The following ZDHHC1 variants were observed in gnomAD, a reference collection of about 807,000 sequenced individuals.
ZDHHC1 encodes palmitoyltransferase ZDHHC1.
Under a neutral mutation model 46.9 loss-of-function variants are expected in ZDHHC1, and 45 were observed. The observed-to-expected ratio is 0.96, with a 90% CI of 0.76 to 1.23. The LOEUF (loss-of-function observed/expected upper bound fraction) is 1.23. Among genes scored for constraint, ZDHHC1 ranks in the 50% most tolerant of loss-of-function variants. The pLI, the probability that ZDHHC1 is intolerant of heterozygous loss-of-function variation, is 0.00. For synonymous variants in ZDHHC1, 291 were observed against 286.0 expected (o/e 1.02, Z -0.18); for missense variants, 649 against 670.8 (o/e 0.97, Z 0.36).
Position 67,401,025 on chromosome 16 carries a change from G to A in ZDHHC1, c.360C>T (p.Pro120=). 6.2e-7 allele frequency: 1 copy of A among 1,614,160 alleles called. No individual in the cohort carries two copies. Among genetic ancestry groups the A allele is most frequent in the East Asian group, 2.2e-5 (1 of 44,888 alleles). Residue 120 remains proline (P), a synonymous_variant, in exon 4 of 12, where the codon CCC becomes CCT. Transcript: ENST00000565726. This position sits in a 1 kb window ranked among gnomAD's most constrained non-coding sequence, Gnocchi z 4.6. ...VRDKSYAGPL[P]IFNRSQHAHV... The stretch of plus-strand genomic sequence containing the variant: ...GTGCGTGCTGGCTTCGGTTGAAGAT[G>A]GGCAGGGGCCCCGCATAGCTCTTGT...
chr16:67,410,295 A>G (rs761682839), intron 1 of ZDHHC1, among the ~76,000 whole-genome samples: 5 of 152,220 alleles, frequency 3.3e-5, no homozygotes, highest in Non-Finnish European at 5.9e-5. Flanking sequence ...GGTGAAGCCC[A>G]CAAGCTCCTT....
chr16:67,403,153 G>A (rs890080781), intron 3 of ZDHHC1, among the ~76,000 whole-genome samples: 3 of 152,182 alleles, frequency 2.0e-5, no homozygotes, highest in African/African-American at 7.2e-5. Flanking sequence ...AACATGTGGA[G>A]TGCCAACCAG....
intron 5 of ZDHHC1, 106 bp downstream of exon 5, chr16:67,399,249 C>G: frequency 9.4e-7 from 1 of 1,069,332 alleles, no homozygotes; most frequent in Non-Finnish European, 1.4e-6. Flanking sequence ...CACAGGTCCT[C>G]GAAGCATCCC....
Position 67,406,493 on chromosome 16 carries a change from G to C in ZDHHC1, c.10-51C>G. ...AGCATTAGCCCAAGAAGCTGGGCTGGAGCCCAGGGCCTGTGTCTGCAGCCA... is the reference window on the plus strand; with the variant it reads ...AGCATTAGCCCAAGAAGCTGGGCTGCAGCCCAGGGCCTGTGTCTGCAGCCA... On this transcript the variant is annotated intron_variant, in intron 2 of 11. Coordinates refer to ENST00000565726, the MANE Select transcript of ZDHHC1 (RefSeq NM_001323627.2). The surrounding 1 kb of genome is among the most constrained non-coding windows in gnomAD (Gnocchi z 4.1). The C allele has an allele frequency of 6.9e-7, 1 of 1,456,580 alleles. No individual in the cohort carries two copies. Among genetic ancestry groups the C allele is most frequent in the Non-Finnish European group, 9.1e-7 (1 of 1,102,998 alleles). The allele number at this position is 1,456,580 out of a possible 1,614,324, so 90.2% of individuals were successfully genotyped here.
At position 67,399,453 on chromosome 16, in the gene ZDHHC1, G is replaced by T; in HGVS notation, c.432C>A (p.Ser144Arg). 2 of 1,609,850 alleles carry T rather than the reference G, an allele frequency of 1.2e-6. No homozygotes were observed. Among genetic ancestry groups the T allele is most frequent in the Non-Finnish European group, 1.7e-6 (2 of 1,177,660 alleles). ...LHCNLCNVDVSARSKHCSACN... is the reference protein window; with the variant it reads ...LHCNLCNVDVRARSKHCSACN... The stretch of plus-strand genomic sequence containing the variant: ...AGGCGCTGCAGTGCTTGGAGCGAGC[G>T]CTCCTGCAGGGAGAGGGGGCACAGC... The change falls in exon 5 of 12, where the codon AGC (serine) becomes AGA (arginine). Residue 144 changes from serine to arginine, a missense_variant. Physicochemically the swap from Ser to Arg is moderately radical, Grantham distance 110 (BLOSUM62 -1). Coordinates refer to ENST00000565726, the MANE Select transcript of ZDHHC1 (RefSeq NM_001323627.2).
intron 5 of ZDHHC1, 146 bp from the exon 6 acceptor site, chr16:67,399,090 C>A: frequency 2.4e-6 from 3 of 1,226,820 alleles, no homozygotes; most frequent in South Asian, 3.2e-5. Flanking sequence ...CAAAGGCATA[C>A]GGCAAAACTG....
chr16:67,402,904 A>T (rs1322846176), intron 3 of ZDHHC1, among the ~76,000 whole-genome samples: 1 of 152,250 alleles, frequency 6.6e-6, no homozygotes, highest in Non-Finnish European at 1.5e-5. Flanking sequence ...CAGGGATTAT[A>T]GGCATGAGCC....
At chr16:67,398,462 G>C (rs1597533921) in intron 7 of ZDHHC1, 111 bp downstream of exon 7, 6 of 1,512,132 alleles carry the variant, frequency 4.0e-6, no homozygotes, top group Non-Finnish European at 5.3e-6. Flanking sequence ...GGCCACCATA[G>C]TGAGCCCATA....
Position 67,398,261 on chromosome 16 carries a change from C to T in ZDHHC1, c.878G>A (p.Gly293Glu). 6.2e-7 allele frequency: 1 copy of T among 1,614,136 alleles called. No homozygotes were observed. The highest frequency in any genetic ancestry group is 8.5e-7 in the Non-Finnish European group (1 of 1,180,016). ...VQHRPPQEAK[G>E]VHRELESCPP... ...ACATGACTCGAGCTCCCTGTGAACC[C>T]CCTTGGCCTCCTGTGGTGGGCGGTG... Residue 293 changes from glycine to glutamate, a missense_variant, in exon 8 of 12, where the codon GGG (glycine) becomes GAG (glutamate). By Grantham distance (98) the Gly-to-Glu change is moderately conservative. Coordinates refer to ENST00000565726, the MANE Select transcript of ZDHHC1 (RefSeq NM_001323627.2).
chr16:67,401,312 T>C lies in ZDHHC1; in HGVS notation c.253-180A>G, dbSNP rs1478219953. The stretch of plus-strand genomic sequence containing the variant: ...ATCAGACCTCTCCAGGTAACCCCTA[T>C]GCCCCAAATGGAAAGAGGGAGAGGC... On this transcript the variant is annotated intron_variant, in intron 3 of 11. Transcript: ENST00000565726. This position sits in a 1 kb window ranked among gnomAD's most constrained non-coding sequence, Gnocchi z 4.6. 2.0e-5 allele frequency among the ~76,000 whole-genome samples: 3 copies of C among 152,188 alleles called. No individual in the cohort carries two copies. Among genetic ancestry groups the C allele is most frequent in the African/African-American group, 7.2e-5 (3 of 41,442 alleles).
At chr16:67,404,702 T>C (rs1199342043) in intron 3 of ZDHHC1, 1 of 455,640 alleles carries the variant, frequency 2.2e-6, no homozygotes, top group African/African-American at 2.0e-5. Context: ...TCACAGAACC[T>C]CTGTGCCCAG....
At chr16:67,411,675 A>G (rs1379258516) in intron 1 of ZDHHC1, among the ~76,000 whole-genome samples, 2 of 152,244 alleles carry the variant, frequency 1.3e-5, no homozygotes, top group Non-Finnish European at 1.5e-5. Flanking sequence ...CAAATAAACT[A>G]TGGCACATCC....
intron 3 of ZDHHC1, among the ~76,000 whole-genome samples, chr16:67,403,697 C>T (rs912748190): frequency 1.3e-5 from 2 of 151,962 alleles, no homozygotes; most frequent in Non-Finnish European, 2.9e-5. Context: ...GCAGCCTCCG[C>T]CCCCCGACCC....
In ZDHHC1 at chr16:67,395,207, G is replaced by A. The variant is rs1233208447; in HGVS notation, c.1084C>T (p.Pro362Ser). 3.1e-6 allele frequency: 5 copies of A among 1,611,400 alleles called. No individual in the cohort carries two copies. Among genetic ancestry groups the A allele is most frequent in the Non-Finnish European group, 4.2e-6 (5 of 1,179,386 alleles). The change falls in exon 10 of 12, where the codon CCT (proline) becomes TCT (serine). Residue 362 changes from proline (P) to serine (S), a missense_variant. By Grantham distance (74) the Pro-to-Ser change is moderately conservative (BLOSUM62 -1). Transcript: ENST00000565726. ...CCTACCTGGGGTCGGATCCGGGGAG[G>A]CAGGGCGAGAGTGTCTGGGGAAGAG... Reference protein sequence around the residue: ...PPSSPDTLALPPRIRPQKKRK... With the variant: ...PPSSPDTLALSPRIRPQKKRK...
chr16:67,406,284 C>T lies in ZDHHC1; in HGVS notation c.168G>A (p.Trp56Ter), dbSNP rs747927116. 41 of 1,610,100 alleles carry T rather than the reference C, an allele frequency of 2.5e-5. No homozygotes were observed. The highest frequency in any genetic ancestry group is 3.1e-5 in the Non-Finnish European group (37 of 1,178,564). The part of the protein sequence containing the change: ...WPPHPLQIVA[W>*]LLYLFFAVIG... ...TCACAGCAAAGAAGAGGTACAGCAG[C>T]CAGGCCACAATCTGGAGCGGGTGAG... The change falls in exon 3 of 12, where the codon TGG becomes TGA. Residue 56 changes from tryptophan to a stop codon, truncating the protein, a stop_gained. Transcript: ENST00000565726. LOFTEE classifies it high-confidence loss of function. The surrounding 1 kb of genome is among the most constrained non-coding windows in gnomAD (Gnocchi z 4.1).
rs780259886 is a variant in ZDHHC1, at chr16:67,406,283, G to A, written c.169C>T (p.Leu57=). The part of the protein sequence containing the change: ...PPHPLQIVAW[L]LYLFFAVIGF... The stretch of plus-strand genomic sequence containing the variant: ...ATCACAGCAAAGAAGAGGTACAGCA[G>A]CCAGGCCACAATCTGGAGCGGGTGA... The change falls in exon 3 of 12, where the codon CTG becomes TTG. Residue 57 remains leucine, a synonymous_variant. Coordinates refer to ENST00000565726, the MANE Select transcript of ZDHHC1 (RefSeq NM_001323627.2). The surrounding 1 kb of genome is among the most constrained non-coding windows in gnomAD (Gnocchi z 4.1). 6.2e-7 allele frequency: 1 copy of A among 1,610,270 alleles called. No homozygotes were observed. The highest frequency in any genetic ancestry group is 8.5e-7 in the Non-Finnish European group (1 of 1,178,596).
intron 8 of ZDHHC1, 59 bp downstream of exon 8, chr16:67,398,153 C>T (rs746962726): frequency 1.6e-5 from 25 of 1,545,908 alleles, no homozygotes; most frequent in African/African-American, 1.4e-4. Flanking sequence ...ACTGGCTGCT[C>T]GCTGCACAGC....
intron 1 of ZDHHC1, among the ~76,000 whole-genome samples, chr16:67,411,980 G>A (rs2040754148): frequency 6.6e-6 from 1 of 152,084 alleles, no homozygotes; most frequent in South Asian, 2.1e-4. Context: ...GGGCGTGGTG[G>A]TGCGGGCCTG....
chr16:67,395,057 C>CT lies in ZDHHC1; in HGVS notation c.1109dup (p.Arg371GlufsTer7), dbSNP rs942273868. 2 of 1,613,194 alleles carry CT rather than the reference C, an allele frequency of 1.2e-6. No homozygotes were observed. The highest frequency in any genetic ancestry group is 2.7e-5 in the African/African-American group (2 of 74,944). ...GCACTTTATACACGCGCCTCTTCCT[C>CT]TTTTTCTGCAGAGACACGGGGGAGC... is the stretch of plus-strand genomic sequence containing the variant. On this transcript the variant is annotated frameshift_variant, in exon 11 of 12. Coordinates refer to ENST00000565726, the MANE Select transcript of ZDHHC1 (RefSeq NM_001323627.2). LOFTEE classifies it high-confidence loss of function.
Sources: gnomAD v4.1 joint callset for allele counts (sites outside exome capture counted in the v4.1 genomes callset) on GRCh38, gnomAD v4.1.1 for gene constraint, Gnocchi (gnomAD v3.1) non-coding constraint, MANE v1.5 for transcripts, NCBI Gene and HGNC (gene_info 2026-07-23, HGNC 2026-07-21) for gene names.